The following AFF1 variants were observed in gnomAD, a reference collection of about 807,000 sequenced individuals.
AFF1 encodes ALF transcription elongation factor 1, also known as AF4/FMR2 family member 1.
A neutral mutation model predicts 121.7 loss-of-function variants in AFF1; 48 were observed. The ratio of observed to expected loss-of-function variants is 0.39; its 90% CI spans 0.31 to 0.50. AFF1 has a LOEUF of 0.50. Among genes scored for constraint, AFF1 ranks in the 20% least tolerant of loss-of-function variants. The pLI, the probability that AFF1 is intolerant of heterozygous loss-of-function variation, is 0.76. For synonymous variants in AFF1, 613 were observed against 563.0 expected, an observed-to-expected ratio of 1.09 and a Z score of -1.26; for missense variants, 1,523 against 1,511.7, an observed-to-expected ratio of 1.01 and a Z score of -0.12.
At chr4:87,111,014 T>TTTATTTTATTTA (rs1225730868) in intron 11 of AFF1, among the ~76,000 whole-genome samples, 1 of 86,460 alleles carries the variant, frequency 1.2e-5, no homozygotes, top group African/African-American at 4.1e-5. Context: ...TTTTTTTTAT[T>TTTATTTTATTTA]TTTTTTTTTT....
chr4:87,049,591 A>C, intron 4 of AFF1: 1 of 425,234 alleles, frequency 2.4e-6, no homozygotes, highest in Non-Finnish European at 4.7e-6. Context: ...TTTTTTTGGC[A>C]CCAGTGCATC....
intron 4 of AFF1, 60 bp downstream of exon 4, chr4:87,047,654 G>A (rs1730851489): frequency 6.2e-7 from 1 of 1,608,128 alleles, no homozygotes; most frequent in Admixed American, 1.7e-5. Context: ...AGATGAAAAT[G>A]TCCGGAGGAT....
chr4:87,088,561 T>C (rs2149711053), intron 5 of AFF1, among the ~76,000 whole-genome samples: 1 of 152,240 alleles, frequency 6.6e-6, no homozygotes, highest in African/African-American at 2.4e-5. Flanking sequence ...TGGAGTAATA[T>C]AGCATGCTGT....
intron 2 of AFF1, among the ~76,000 whole-genome samples, chr4:86,978,800 C>T (rs1022884527): frequency 1.3e-5 from 2 of 152,148 alleles, no homozygotes; most frequent in African/African-American, 4.8e-5. Context: ...TGCCTAGTTA[C>T]AAGGTTTTAT....
chr4:86,972,763 C>A (rs543056861), intron 2 of AFF1, among the ~76,000 whole-genome samples: 1 of 152,268 alleles, frequency 6.6e-6, no homozygotes, highest in Admixed American at 6.5e-5. Flanking sequence ...TGGTCTCAAA[C>A]TCCTGGCCTC....
chr4:86,941,661 TAAATA>T (rs1292322731), intron 1 of AFF1, among the ~76,000 whole-genome samples: 1 of 151,392 alleles, frequency 6.6e-6, no homozygotes, highest in Non-Finnish European at 1.5e-5. Flanking sequence ...CATAAATAAA[TAAATA>T]AATAAATAAA....
At chr4:87,059,087 C>A (rs781665989) in intron 4 of AFF1, among the ~76,000 whole-genome samples, 16 of 152,212 alleles carry the variant, frequency 1.1e-4, no homozygotes, top group Non-Finnish European at 2.1e-4. Flanking sequence ...CCTCAACCAT[C>A]TTTTCTCATT....
intron 12 of AFF1, among the ~76,000 whole-genome samples, chr4:87,120,819 A>G (rs550934801): frequency 2.2e-4 from 33 of 152,128 alleles, no homozygotes; most frequent in Non-Finnish European, 2.6e-4. Flanking sequence ...TAGAATCTCT[A>G]TGGCACCAAA....
chr4:87,073,799 C>T (rs1371484943), intron 4 of AFF1, among the ~76,000 whole-genome samples: 1 of 152,208 alleles, frequency 6.6e-6, no homozygotes, highest in Non-Finnish European at 1.5e-5. Flanking sequence ...CTCTCTGCAA[C>T]ATAGAATTAA....
At chr4:87,040,416 C>T (rs915471146) in intron 2 of AFF1, among the ~76,000 whole-genome samples, 3 of 152,174 alleles carry the variant, frequency 2.0e-5, no homozygotes, top group Admixed American at 6.5e-5. Context: ...AGTTAGCACA[C>T]TTTAGCACAC....
intron 2 of AFF1, chr4:87,007,300 G>A: frequency 6.3e-7 from 1 of 1,578,488 alleles, no homozygotes. Context: ...GCCGCGCCGG[G>A]ACGCGTCCCC....
chr4:86,952,116 T>G (rs1171108244), intron 2 of AFF1, among the ~76,000 whole-genome samples: 3 of 152,208 alleles, frequency 2.0e-5, no homozygotes, highest in Non-Finnish European at 4.4e-5. Context: ...TATCTTTATA[T>G]GTCATAATAT....
chr4:86,999,834 T>C (rs1050459928), intron 2 of AFF1, among the ~76,000 whole-genome samples: 6 of 152,108 alleles, frequency 3.9e-5, no homozygotes, highest in African/African-American at 1.4e-4. Flanking sequence ...AGCTTGGCAG[T>C]GATGGCAGAA....
chr4:86,966,686 G>A (rs1371073003), intron 2 of AFF1, among the ~76,000 whole-genome samples: 5 of 151,960 alleles, frequency 3.3e-5, no homozygotes, highest in Admixed American at 2.6e-4. Context: ...TTTAGGATTT[G>A]TTGATTGTAG....
At chr4:87,054,639 T>C (rs1719908726) in intron 4 of AFF1, among the ~76,000 whole-genome samples, 1 of 152,218 alleles carries the variant, frequency 6.6e-6, no homozygotes, top group Non-Finnish European at 1.5e-5. Context: ...AAGTTATCTG[T>C]GTGCAGAATT....
intron 8 of AFF1, among the ~76,000 whole-genome samples, chr4:87,100,790 T>C (rs1356585439): frequency 6.6e-6 from 1 of 152,252 alleles, no homozygotes; most frequent in East Asian, 1.9e-4. Flanking sequence ...AGATTTTGTT[T>C]CTGTTAAAAG....
At chr4:87,119,452 T>C (rs1326667703) in intron 12 of AFF1, among the ~76,000 whole-genome samples, 1 of 151,232 alleles carries the variant, frequency 6.6e-6, no homozygotes, top group African/African-American at 2.4e-5. Flanking sequence ...ATGCCTGAGG[T>C]CCCAGCTACT....
chr4:87,039,017 T>G (rs543972934), intron 2 of AFF1, among the ~76,000 whole-genome samples: 1 of 152,266 alleles, frequency 6.6e-6, no homozygotes, highest in South Asian at 2.1e-4. Context: ...CCGAATGGCA[T>G]TCAGCAATCC....
chr4:87,140,069 G>T lies in AFF1; in HGVS notation c.*4368G>T, dbSNP rs1729601358. ...TACTTCTCTACCTAAGAGGGCAGGAGGGAAACCCTACAGCTCCTTGTGAGC... is the reference window on the plus strand; with the variant it reads ...TACTTCTCTACCTAAGAGGGCAGGATGGAAACCCTACAGCTCCTTGTGAGC... On this transcript the variant is annotated 3_prime_UTR_variant, in exon 21 of 21. Coordinates refer to ENST00000395146, the MANE Select transcript of AFF1 (RefSeq NM_001166693.3). 1 of 205,124 alleles carries T rather than the reference G, an allele frequency of 4.9e-6. No individual in the cohort carries two copies. The highest frequency in any genetic ancestry group is 1.0e-5 in the Non-Finnish European group (1 of 100,226). The allele number at this position is 205,124 out of a possible 1,614,324, so 12.7% of individuals were successfully genotyped here.
Sources: gnomAD v4.1 joint callset for allele counts (sites outside exome capture counted in the v4.1 genomes callset) on GRCh38, gnomAD v4.1.1 for gene constraint, MANE v1.5 for transcripts, NCBI Gene and HGNC (gene_info 2026-07-23, HGNC 2026-07-21) for gene names.